Variants in WDPCP observed in about 807,000 individuals in gnomAD.
The protein encoded by WDPCP is WD repeat containing planar cell polarity effector, also known as WD repeat-containing and planar cell polarity effector protein fritz homolog.
In WDPCP, 71 loss-of-function variants were observed where a neutral mutation model predicts 93.1. The observed-to-expected ratio is 0.76, with a 90% CI of 0.63 to 0.93. WDPCP has a LOEUF of 0.93. Among genes scored for constraint, WDPCP ranks in the 40% least tolerant of loss-of-function variants. The pLI is 0.00. For synonymous variants in WDPCP, 315 were observed against 315.0 expected (o/e 1.00, Z 0.00); for missense variants, 844 against 887.4 (o/e 0.95, Z 0.62).
rs900167770 is a variant in WDPCP at position 63,622,363 on chromosome 2, TG to T, written n.488+28295del. The stretch of plus-strand genomic sequence containing the variant: ...ATATATTCAAAACCCTTCATAGTCT[TG>T]GTCACGTTGCTTTTGAACTGGGCAA... On this transcript the variant is annotated intron_variant and non_coding_transcript_variant, in intron 3 of 4. Coordinates refer to the WDPCP transcript ENST00000467687. 5.6e-6 allele frequency: 9 copies of T among 1,602,216 alleles called. No individual in the cohort carries two copies. In the African/African-American group the frequency reaches 1.2e-4, roughly 21 times the overall value.
intron 2 of WDPCP, among the ~76,000 whole-genome samples, chr2:63,706,829 G>T (rs1369996968): frequency 2.6e-5 from 4 of 151,630 alleles, no homozygotes; most frequent in South Asian, 2.1e-4. Context: ...TGTTAGCCAG[G>T]ATGGTCTCGA....
intron 13 of WDPCP, among the ~76,000 whole-genome samples, chr2:63,284,404 A>C (rs776590235): frequency 6.6e-6 from 1 of 152,232 alleles, no homozygotes; most frequent in Non-Finnish European, 1.5e-5. Flanking sequence ...AAAATGTTCT[A>C]ACCATATATC....
chr2:63,148,913 G>A (rs955807555), intron 17 of WDPCP, among the ~76,000 whole-genome samples: 1 of 151,444 alleles, frequency 6.6e-6, no homozygotes, highest in Admixed American at 6.6e-5. Flanking sequence ...ATGGATTAAA[G>A]ACAAATGTGA....
chr2:63,338,569 A>AAT (rs1159039677), intron 12 of WDPCP, among the ~76,000 whole-genome samples: 102 of 14,456 alleles, frequency 7.1e-3, no homozygotes, highest in Non-Finnish European at 7.9e-3. Flanking sequence ...AAAAAAAAAA[A>AAT]ATATATATAT....
chr2:63,300,896 G>A (rs780071133), intron 13 of WDPCP, among the ~76,000 whole-genome samples: 7 of 151,642 alleles, frequency 4.6e-5, no homozygotes, highest in African/African-American at 9.7e-5. Context: ...TAGAGAGTAC[G>A]TGGCATTTCC....
chr2:63,339,543 T>C (rs752838120), intron 12 of WDPCP, among the ~76,000 whole-genome samples: 48 of 152,202 alleles, frequency 3.2e-4, no homozygotes. Context: ...TAATTTTATA[T>C]CCTGCAACTT....
Position 63,649,114 on chromosome 2 carries a change from C to T in WDPCP, n.488+1545G>A, listed in dbSNP as rs532020213. Among the ~76,000 whole-genome samples, 321 of 152,300 alleles carry T rather than the reference C, an allele frequency of 2.1e-3. 3 individuals are homozygous for T. Among genetic ancestry groups the T allele is most frequent in the Non-Finnish European group, 8.5e-4 (58 of 68,018 alleles). On this transcript the variant is annotated intron_variant and non_coding_transcript_variant, in intron 3 of 4. Transcript: ENST00000467687. ...TGACTATGGTGAGCAACTATCATCA[C>T]TACCTACTTCTAGAACATTCCCATC... is the stretch of plus-strand genomic sequence containing the variant.
chr2:63,355,671 G>A, intron 12 of WDPCP, among the ~76,000 whole-genome samples: 1 of 152,152 alleles, frequency 6.6e-6, no homozygotes, highest in African/African-American at 2.4e-5. Flanking sequence ...CTTGAGGTCA[G>A]GAATTCAAGG....
chr2:63,383,062 A>G (rs1692444121), intron 10 of WDPCP, among the ~76,000 whole-genome samples: 1 of 152,138 alleles, frequency 6.6e-6, no homozygotes, highest in African/African-American at 2.4e-5. Context: ...GTAACAAGAG[A>G]AAGAACTCAT....
At position 63,404,439 on chromosome 2, in the gene WDPCP, A is replaced by G. The variant is rs112782997; in HGVS notation, c.1044T>C (p.Thr348=). 6.2e-7 allele frequency: 1 copy of G among 1,614,084 alleles called. No homozygotes were observed. Among genetic ancestry groups the G allele is most frequent in the African/African-American group, 1.3e-5 (1 of 74,934 alleles). Residue 348 remains threonine, a synonymous_variant, in exon 10 of 18, where the codon ACT becomes ACC. Transcript: ENST00000272321. ...SKAISCCRNV[T]EDKLILGCED... is the part of the protein sequence containing the mutation. ...CACAGCCCAGAATCAGTTTGTCTTCAGTAACATTCCTGCAGCAGCTGATGG... is the reference window on the plus strand; with the variant it reads ...CACAGCCCAGAATCAGTTTGTCTTCGGTAACATTCCTGCAGCAGCTGATGG...
intron 15 of WDPCP, among the ~76,000 whole-genome samples, chr2:63,155,664 G>A (rs906753572): frequency 2.6e-5 from 4 of 152,168 alleles, no homozygotes; most frequent in Admixed American, 2.0e-4. Flanking sequence ...TGACAGTTAA[G>A]TAGTTGTGAC....
At chr2:63,212,136 G>A (rs1192144821) in intron 14 of WDPCP, among the ~76,000 whole-genome samples, 2 of 152,068 alleles carry the variant, frequency 1.3e-5, no homozygotes, top group African/African-American at 4.8e-5. Context: ...GATACTCCTC[G>A]AGAAGAGCAA....
At chr2:63,543,711 A>T (rs1196471784) in intron 1 of WDPCP, among the ~76,000 whole-genome samples, 1 of 152,122 alleles carries the variant, frequency 6.6e-6, no homozygotes, top group Non-Finnish European at 1.5e-5. Flanking sequence ...GAAGACACAT[A>T]GGCCAAAAGG....
chr2:63,735,313 C>T (rs923777179), intron 2 of WDPCP, among the ~76,000 whole-genome samples: 1 of 151,978 alleles, frequency 6.6e-6, no homozygotes, highest in African/African-American at 2.4e-5. Flanking sequence ...AGAACCGTGG[C>T]CTTAAACTGT....
In WDPCP at chr2:63,398,106, G is replaced by A. The variant is rs150803816; in HGVS notation, c.1435+5942C>T. ...GATTCTTTTTCACTGAACTGAGAGG[G>A]AAAGATTCATGTGCATATTGATAAG... On this transcript the variant is annotated intron_variant, in intron 10 of 17. Transcript: ENST00000272321. 4.1e-4 allele frequency among the ~76,000 whole-genome samples: 63 copies of A among 152,214 alleles called. No homozygotes were observed. The East Asian group carries it at 0.011, about 28-fold the overall frequency.
chr2:63,722,394 T>A (rs1394476932), intron 2 of WDPCP, among the ~76,000 whole-genome samples: 1 of 123,726 alleles, frequency 8.1e-6, no homozygotes, highest in Non-Finnish European at 1.7e-5. Context: ...CCGTCTGGGA[T>A]GTGAGGAGCA....
At chr2:63,559,981 A>G (rs1706465590) in intron 1 of WDPCP, among the ~76,000 whole-genome samples, 1 of 151,762 alleles carries the variant, frequency 6.6e-6, no homozygotes, top group Non-Finnish European at 1.5e-5. Context: ...CTGTAATCAC[A>G]GCACTTTGGG....
intron 14 of WDPCP, among the ~76,000 whole-genome samples, chr2:63,228,077 C>A (rs1003742722): frequency 2.0e-5 from 3 of 151,992 alleles, no homozygotes; most frequent in African/African-American, 4.8e-5. Context: ...TTAGAAGGCT[C>A]AACATATATG....
chr2:63,649,273 T>G (rs78556419), intron 3 of WDPCP, among the ~76,000 whole-genome samples: 4,775 of 152,312 alleles, frequency 0.031, 118 homozygotes, highest in Middle Eastern at 0.082. Context: ...TTTCATTTCA[T>G]GGACATTTCA....
Sources: gnomAD v4.1 joint callset for allele counts (sites outside exome capture counted in the v4.1 genomes callset) on GRCh38, gnomAD v4.1.1 for gene constraint, MANE v1.5 for transcripts, NCBI Gene and HGNC (gene_info 2026-07-23, HGNC 2026-07-21) for gene names.